Variants in CHCHD3 observed in about 807,000 individuals in gnomAD.
The protein encoded by CHCHD3 is coiled-coil-helix-coiled-coil-helix domain containing 3.
CHCHD3 carries 20 observed loss-of-function variants against 38.2 expected under a neutral mutation model. The observed-to-expected ratio is 0.52, with a 90% CI of 0.37 to 0.76. The LOEUF (loss-of-function observed/expected upper bound fraction) is 0.76, where lower values mean the gene tolerates loss of function less well. CHCHD3 is among the 30% of genes least tolerant of loss of function. CHCHD3 has a pLI of 0.00. For missense variants in CHCHD3, 245 were observed against 279.2 expected (o/e 0.88, Z 0.87); for synonymous variants, 82 against 100.0 (o/e 0.82, Z 1.07).
chr7:132,902,630 G>T (rs976960400), intron 4 of CHCHD3, among the ~76,000 whole-genome samples: 2 of 152,056 alleles, frequency 1.3e-5, no homozygotes, highest in Admixed American at 6.6e-5. Context: ...AGAACACTTG[G>T]ACACAGGAAG....
chr7:132,953,935 C>A (rs1811096488), intron 4 of CHCHD3, among the ~76,000 whole-genome samples: 1 of 151,988 alleles, frequency 6.6e-6, no homozygotes, highest in Admixed American at 6.6e-5. Flanking sequence ...GTTGCCCTAG[C>A]CATAAAAGAG....
At chr7:132,854,450 T>C (rs945979834) in intron 5 of CHCHD3, among the ~76,000 whole-genome samples, 3 of 152,178 alleles carry the variant, frequency 2.0e-5, no homozygotes, top group African/African-American at 7.2e-5. Flanking sequence ...CAACAGTTTC[T>C]TATGATTTTC....
At chr7:133,006,541 G>A (rs1270656654) in intron 3 of CHCHD3, among the ~76,000 whole-genome samples, 1 of 151,156 alleles carries the variant, frequency 6.6e-6, no homozygotes, top group African/African-American at 2.4e-5. Context: ...AAACAGATAC[G>A]AGCAACCATG....
At chr7:132,996,689 C>A (rs562178012) in intron 3 of CHCHD3, among the ~76,000 whole-genome samples, 1 of 152,286 alleles carries the variant, frequency 6.6e-6, no homozygotes, top group Non-Finnish European at 1.5e-5. Context: ...CAAGCCCTGT[C>A]GCTAATCAGC....
At chr7:132,963,047 C>G (rs1467420302) in intron 4 of CHCHD3, among the ~76,000 whole-genome samples, 1 of 151,302 alleles carries the variant, frequency 6.6e-6, no homozygotes, top group Non-Finnish European at 1.5e-5. Flanking sequence ...GACAACTATA[C>G]TTGATTATGT....
intron 5 of CHCHD3, among the ~76,000 whole-genome samples, chr7:132,844,412 C>A (rs995468019): frequency 6.6e-6 from 1 of 152,170 alleles, no homozygotes; most frequent in African/African-American, 2.4e-5. Context: ...CACTTCTGTG[C>A]CTATAAGGTC....
At chr7:133,001,271 C>T (rs1329907280) in intron 3 of CHCHD3, among the ~76,000 whole-genome samples, 1 of 152,154 alleles carries the variant, frequency 6.6e-6, no homozygotes, top group Admixed American at 6.5e-5. Context: ...GTACTGCTAA[C>T]CCTCCGGATC....
chr7:132,810,891 C>G (rs140605737), intron 6 of CHCHD3, among the ~76,000 whole-genome samples: 165 of 152,216 alleles, frequency 1.1e-3, no homozygotes, highest in Non-Finnish European at 1.8e-3. Context: ...ACTAGGGAAA[C>G]TAGAATCACT....
At chr7:132,831,193 C>T (rs891207866) in intron 6 of CHCHD3, among the ~76,000 whole-genome samples, 1 of 152,098 alleles carries the variant, frequency 6.6e-6, no homozygotes, top group Non-Finnish European at 1.5e-5. Context: ...GGTAACATAA[C>T]TCCTGCATTA....
At position 133,018,875 on chromosome 7, in the gene CHCHD3, C is replaced by CTTTTTTTTTTTTTTTTTTTTTTTTTTTT. The variant is rs5887607; in HGVS notation, c.251+5670_251+5671insAAAAAAAAAAAAAAAAAAAAAAAAAAAA. The stretch of plus-strand genomic sequence containing the variant: ...GCACCATGCTAGTTGCATGATTTCT[C>CTTTTTTTTTTTTTTTTTTTTTTTTTTTT]TTTTTTTTTTTTTTTTTTTTTTTTT... On this transcript the variant is annotated intron_variant, in intron 3 of 7. Coordinates refer to ENST00000262570, the MANE Select transcript of CHCHD3 (RefSeq NM_017812.4). Among the ~76,000 whole-genome samples the CTTTTTTTTTTTTTTTTTTTTTTTTTTTT allele has an allele frequency of 2.9e-5, 2 of 70,150 alleles. 1 individual carries two copies. 46.0% of individuals were successfully genotyped at this position (70,150 alleles called of 152,430 possible). A position where few individuals can be genotyped will look rare whatever the true frequency, so the allele number is the denominator to read the frequency against.
At position 133,035,311 on chromosome 7, in the gene CHCHD3, A is replaced by G; in HGVS notation, c.170-10684T>C. ...TTCTCACACAGTTTCAGTTCCCCCA[A>G]GACAGCCCGGAACTGGGGCTGGTTA... On this transcript the variant is annotated intron_variant, in intron 2 of 7. Transcript: ENST00000262570. The surrounding 1 kb of genome is among the most constrained non-coding windows in gnomAD (Gnocchi z 4.7). The G allele has an allele frequency of 6.2e-7, 1 of 1,611,926 alleles. No individual in the cohort carries two copies. Among genetic ancestry groups the G allele is most frequent in the Non-Finnish European group, 8.5e-7 (1 of 1,178,050 alleles).
At chr7:132,806,910 G>A (rs1278529502) in intron 6 of CHCHD3, among the ~76,000 whole-genome samples, 1 of 152,164 alleles carries the variant, frequency 6.6e-6, no homozygotes, top group Non-Finnish European at 1.5e-5. Context: ...GCAGAAAGGA[G>A]GGCATGGTCC....
intron 6 of CHCHD3, among the ~76,000 whole-genome samples, chr7:132,814,459 G>C (rs896213773): frequency 4.1e-4 from 63 of 152,224 alleles, no homozygotes; most frequent in African/African-American, 1.5e-3. Flanking sequence ...GTCTTAAATT[G>C]ACAGGTAATG....
At chr7:132,884,525 G>A (rs1451497469) in intron 5 of CHCHD3, among the ~76,000 whole-genome samples, 2 of 152,172 alleles carry the variant, frequency 1.3e-5, no homozygotes. Flanking sequence ...GAGGTACTCA[G>A]TTCGGTAACA....
At chr7:132,888,167 C>G (rs1222428811) in intron 4 of CHCHD3, among the ~76,000 whole-genome samples, 1 of 151,462 alleles carries the variant, frequency 6.6e-6, no homozygotes, top group Non-Finnish European at 1.5e-5. Flanking sequence ...AATAAAAAAA[C>G]AAAAACAAAC....
intron 4 of CHCHD3, among the ~76,000 whole-genome samples, chr7:132,894,519 T>C (rs1165846031): frequency 1.3e-5 from 2 of 152,248 alleles, no homozygotes; most frequent in Non-Finnish European, 2.9e-5. Context: ...ATGTTTCCTA[T>C]GGCACTTGTT....
intron 6 of CHCHD3, among the ~76,000 whole-genome samples, chr7:132,817,276 A>G (rs1249774004): frequency 1.3e-5 from 2 of 151,880 alleles, no homozygotes; most frequent in African/African-American, 4.8e-5. Flanking sequence ...TTCCCCCAAC[A>G]ATTACATTTG....
chr7:132,817,200 T>C (rs1306010303), intron 6 of CHCHD3, among the ~76,000 whole-genome samples: 1 of 151,816 alleles, frequency 6.6e-6, no homozygotes, highest in South Asian at 2.1e-4. Context: ...GGTCCCAAGC[T>C]TTCTTTCTTT....
At chr7:132,980,461 ATTTC>A in intron 3 of CHCHD3, among the ~76,000 whole-genome samples, 1 of 152,130 alleles carries the variant, frequency 6.6e-6, no homozygotes, top group Non-Finnish European at 1.5e-5. Context: ...TTTCATTTAA[ATTTC>A]TTTCTTTTAA....
Sources: allele counts gnomAD v4.1 joint callset (sites outside exome capture counted in the v4.1 genomes callset), GRCh38; gene constraint gnomAD v4.1.1; non-coding constraint Gnocchi (gnomAD v3.1); transcripts MANE v1.5; gene names NCBI Gene and HGNC (gene_info 2026-07-23, HGNC 2026-07-21).